Variants in DCP1A observed in about 807,000 individuals in gnomAD.
DCP1A encodes the protein decapping mRNA 1A, also known as mRNA-decapping enzyme 1A.
A neutral mutation model predicts 58.0 loss-of-function variants in DCP1A; 20 were observed. The observed-to-expected ratio is 0.34, with a 90% CI of 0.24 to 0.50. The LOEUF is 0.50. Ranked by LOEUF, DCP1A falls within the 20% of genes least tolerant of loss-of-function variation. The pLI is 0.98. For synonymous variants in DCP1A, 285 were observed against 275.1 expected (o/e 1.04, Z -0.36); for missense variants, 613 against 712.2 (o/e 0.86, Z 1.59).
At chr3:53,338,860 C>CAA (rs35824245) in intron 3 of DCP1A, among the ~76,000 whole-genome samples, 15,817 of 107,924 alleles carry the variant, frequency 0.15, 1,235 homozygotes, top group Middle Eastern at 0.24. Context: ...GGCTCCGTCT[C>CAA]AAAAAAAAAA....
chr3:53,293,463 A>C lies in DCP1A; in HGVS notation c.625-636T>G, dbSNP rs1206891368. On this transcript the variant is annotated intron_variant, in intron 6 of 9. Coordinates refer to ENST00000610213, the MANE Select transcript of DCP1A (RefSeq NM_018403.7). Reference sequence around the variant, plus strand: ...ACTTTTAAGCAGTATTTCCATAGTCAATAACCTTTATTTCCTGAGTACTCA... The same window carrying C: ...ACTTTTAAGCAGTATTTCCATAGTCCATAACCTTTATTTCCTGAGTACTCA... Among the ~76,000 whole-genome samples the C allele has an allele frequency of 4.6e-5, 7 of 152,278 alleles. No homozygotes were observed. In the East Asian group the frequency reaches 1.2e-3, roughly 25 times the overall value.
At chr3:53,331,795 T>C (rs1553691309) in intron 3 of DCP1A, among the ~76,000 whole-genome samples, 1 of 152,210 alleles carries the variant, frequency 6.6e-6, no homozygotes, top group African/African-American at 2.4e-5. Context: ...TAAAAAAAGA[T>C]TCCCCATTAC....
At chr3:53,290,502 T>C (rs1487433040) in intron 8 of DCP1A, 1 of 560,636 alleles carries the variant, frequency 1.8e-6, no homozygotes, top group Admixed American at 3.2e-5. Flanking sequence ...CAGGACGGGG[T>C]GGGAGAGGAC....
chr3:53,347,258 G>T, intron 1 of DCP1A, 125 bp downstream of exon 1: 1 of 1,234,716 alleles, frequency 8.1e-7, no homozygotes, highest in South Asian at 1.7e-5. Context: ...CTCTTGGCCA[G>T]ACCCTGGCCT....
intron 6 of DCP1A, among the ~76,000 whole-genome samples, chr3:53,300,361 G>C (rs576708777): frequency 3.5e-5 from 5 of 144,030 alleles, no homozygotes; most frequent in Non-Finnish European, 6.0e-5. Context: ...TTTTGAGATG[G>C]AGTTTCACTC....
chr3:53,304,497 T>C (rs892700971), intron 5 of DCP1A, among the ~76,000 whole-genome samples: 3 of 152,198 alleles, frequency 2.0e-5, no homozygotes, highest in African/African-American at 4.8e-5. Flanking sequence ...GACAACAGTG[T>C]TGGCCACAAC....
At chr3:53,290,512 C>T (rs1300940733) in intron 8 of DCP1A, 2 of 577,468 alleles carry the variant, frequency 3.5e-6, no homozygotes, top group East Asian at 2.9e-5. Context: ...TGGGAGAGGA[C>T]CTGGCCTAGG....
chr3:53,320,985 A>T (rs529426627), intron 3 of DCP1A, among the ~76,000 whole-genome samples: 1 of 152,222 alleles, frequency 6.6e-6, no homozygotes. Context: ...CTGGCGGCCA[A>T]TTATTATTAG....
intron 3 of DCP1A, among the ~76,000 whole-genome samples, chr3:53,338,590 G>A (rs148089885): frequency 0.012 from 1,843 of 152,194 alleles, 35 homozygotes; most frequent in African/African-American, 0.042. Flanking sequence ...GGCTGGGCGC[G>A]GTGGCTCACT....
At position 53,287,645 on chromosome 3, in the gene DCP1A, G is replaced by A. The variant is rs781846272; in HGVS notation, c.1684C>T (p.Leu562Phe). Residue 562 changes from leucine (L) to phenylalanine (F), a missense_variant, in exon 10 of 10, where the codon CTC (leucine) becomes TTC (phenylalanine). Leu to Phe is a conservative substitution (Grantham distance 22). Around this residue, in one of 3 missense-constraint regions of DCP1A, gnomAD observed 498 missense variants for 556.7 expected, o/e 0.89. Coordinates refer to ENST00000610213, the MANE Select transcript of DCP1A (RefSeq NM_018403.7). Reference sequence around the variant, plus strand: ...AAGTAGACTTCATGAAGTGTACTGAGGAAGCTGGAATCATTCTAGAAGAGA... The same window carrying A: ...AAGTAGACTTCATGAAGTGTACTGAAGAAGCTGGAATCATTCTAGAAGAGA... ...IHLIKNDSSF[L>F]STLHEVYLQV... 5 of 1,611,160 alleles carry A rather than the reference G, an allele frequency of 3.1e-6. No individual in the cohort carries two copies. The highest frequency in any genetic ancestry group is 2.2e-5 in the South Asian group (2 of 91,016).
intron 3 of DCP1A, among the ~76,000 whole-genome samples, chr3:53,324,027 T>C (rs1708045190): frequency 6.6e-6 from 1 of 152,184 alleles, no homozygotes; most frequent in African/African-American, 2.4e-5. Flanking sequence ...AGTAAGTCCA[T>C]CAAAGCTGTC....
chr3:53,297,412 G>C (rs1217191018), intron 6 of DCP1A, among the ~76,000 whole-genome samples: 1 of 150,562 alleles, frequency 6.6e-6, no homozygotes, highest in Non-Finnish European at 1.5e-5. Context: ...CCAGGCTGGA[G>C]TGCAGTGGTG....
intron 6 of DCP1A, among the ~76,000 whole-genome samples, chr3:53,303,403 A>C (rs1186843952): frequency 6.6e-6 from 1 of 152,088 alleles, no homozygotes; most frequent in Non-Finnish European, 1.5e-5. Context: ...AGTAGCTGGC[A>C]TTACAGGCAC....
intron 9 of DCP1A, 88 bp from the exon 10 acceptor site, chr3:53,287,748 T>G (rs747592095): frequency 1.1e-6 from 1 of 925,738 alleles, no homozygotes; most frequent in Non-Finnish European, 1.8e-6. Flanking sequence ...GGAAAAAAAT[T>G]GTATAAATGA....
intron 7 of DCP1A, among the ~76,000 whole-genome samples, chr3:53,291,068 C>T (rs1183979330): frequency 3.3e-5 from 5 of 152,176 alleles, no homozygotes; most frequent in African/African-American, 9.7e-5. Flanking sequence ...TAGAGCTCTG[C>T]GACAGCCTCT....
intron 3 of DCP1A, among the ~76,000 whole-genome samples, chr3:53,330,326 G>A (rs2088964197): frequency 6.6e-6 from 1 of 152,054 alleles, no homozygotes; most frequent in Admixed American, 6.6e-5. Flanking sequence ...GAGGCCAGGA[G>A]TTGGAGACCA....
chr3:53,307,504 C>G, intron 5 of DCP1A, among the ~76,000 whole-genome samples: 1 of 152,156 alleles, frequency 6.6e-6, no homozygotes, highest in East Asian at 1.9e-4. Flanking sequence ...GCTCTTGGGG[C>G]ATTTGATTTG....
rs782758833 is a variant in DCP1A, at chr3:53,342,157, A to G, written c.291T>C (p.Tyr97=). Residue 97 remains tyrosine, a synonymous_variant, in exon 3 of 10, where the codon TAT becomes TAC. Transcript: ENST00000610213. Reference sequence around the variant, plus strand: ...AGATATACTCACAGCTTGCATTTCTATACAGAAGAAATGGTTCATGGAGCT... The same window carrying G: ...AGATATACTCACAGCTTGCATTTCTGTACAGAAGAAATGGTTCATGGAGCT... ...EFQLHEPFLL[Y]RNASLSIYSI... 3.1e-6 allele frequency: 5 copies of G among 1,601,342 alleles called. No individual in the cohort carries two copies. The African/African-American group carries it at 4.0e-5, about 13-fold the overall frequency.
chr3:53,325,557 G>A (rs1708083105), intron 3 of DCP1A, among the ~76,000 whole-genome samples: 2 of 152,084 alleles, frequency 1.3e-5, no homozygotes, highest in Non-Finnish European at 2.9e-5. Context: ...CTTACACCAG[G>A]AAACAAAAAC....
Sources: gnomAD v4.1 joint callset for allele counts (sites outside exome capture counted in the v4.1 genomes callset) on GRCh38, gnomAD v4.1.1 for gene constraint, gnomAD v4.1.1 regional missense constraint, MANE v1.5 for transcripts, NCBI Gene and HGNC (gene_info 2026-07-23, HGNC 2026-07-21) for gene names.